HDAC9: variants seen among roughly 807,000 people sequenced by gnomAD.
HDAC9 encodes the protein MEF-2 interacting transcription repressor (MITR) protein.
In HDAC9, 41 loss-of-function variants were observed where a neutral mutation model predicts 139.4. The ratio of observed to expected loss-of-function variants is 0.29; its 90% CI spans 0.23 to 0.38. The LOEUF (loss-of-function observed/expected upper bound fraction) is 0.38. HDAC9 is among the 10% of genes least tolerant of loss of function. The pLI is 1.00. For synonymous variants in HDAC9, 517 were observed against 476.2 expected (o/e 1.09, Z -1.12); for missense variants, 1,147 against 1,297.0 (o/e 0.88, Z 1.78).
chr7:18,467,221 C>T (rs192756698), intron 1 of HDAC9, among the ~76,000 whole-genome samples: 9 of 152,304 alleles, frequency 5.9e-5, no homozygotes, highest in African/African-American at 2.2e-4. Flanking sequence ...AATGGACTCA[C>T]ATTCCCAGTC....
rs755623800 is a variant in HDAC9 at position 18,666,419 on chromosome 7, T to A, written c.1674T>A (p.Asp558Glu). 75 of 1,612,666 alleles carry A rather than the reference T, an allele frequency of 4.7e-5. No individual in the cohort carries two copies. Among genetic ancestry groups the A allele is most frequent in the Non-Finnish European group, 6.0e-5 (71 of 1,179,356 alleles). The part of the protein sequence containing the change: ...VKVKEEPVDS[D>E]EDAQIQEMES... ...TCAAGGAGGAACCAGTGGACAGTGA[T>A]GAAGATGCTCAGATCCAGGAAATGG... Residue 558 changes from aspartate to glutamate, a missense_variant, in exon 12 of 26, where the codon GAT (aspartate) becomes GAA (glutamate). This residue lies in a region of HDAC9 where 256 missense variants were observed against 219.2 expected (regional missense o/e 1.17). Transcript: ENST00000686413.
chr7:18,837,517 G>A (rs1562976853), intron 21 of HDAC9, among the ~76,000 whole-genome samples: 1 of 151,982 alleles, frequency 6.6e-6, no homozygotes, highest in East Asian at 1.9e-4. Flanking sequence ...TAACTTGCAT[G>A]ATACACATTA....
intron 16 of HDAC9, among the ~76,000 whole-genome samples, chr7:18,789,286 G>GCGCGCGCACACACACACACACACA (rs146066951): frequency 4.7e-5 from 7 of 148,396 alleles, no homozygotes; most frequent in African/African-American, 1.8e-4. Context: ...ACACATACAC[G>GCGCGCGCACACACACACACACACA]CACACACACA....
At chr7:18,860,587 T>A (rs547451063) in intron 21 of HDAC9, among the ~76,000 whole-genome samples, 7 of 152,140 alleles carry the variant, frequency 4.6e-5, no homozygotes, top group Non-Finnish European at 8.8e-5. Flanking sequence ...TGTGTCAAAT[T>A]TTTCTCAATG....
At chr7:18,450,399 G>A (rs572009681) in intron 1 of HDAC9, among the ~76,000 whole-genome samples, 65 of 152,286 alleles carry the variant, frequency 4.3e-4, no homozygotes, top group Middle Eastern at 3.4e-3. Flanking sequence ...GGAAGCCTTT[G>A]CTTTTGGCAA....
At chr7:18,144,602 A>AT (rs551151372) in intron 1 of HDAC9, among the ~76,000 whole-genome samples, 10 of 150,912 alleles carry the variant, frequency 6.6e-5, no homozygotes, top group East Asian at 3.9e-4. Flanking sequence ...AGACCACCAT[A>AT]TTTTTTTTTC....
intron 17 of HDAC9, among the ~76,000 whole-genome samples, chr7:18,796,012 A>T (rs549529804): frequency 1.3e-5 from 2 of 152,250 alleles, no homozygotes; most frequent in Non-Finnish European, 2.9e-5. Context: ...ATTTTTCTGC[A>T]TCTACATTCA....
chr7:18,226,448 A>T (rs969380701), intron 2 of HDAC9, among the ~76,000 whole-genome samples: 7 of 152,292 alleles, frequency 4.6e-5, no homozygotes, highest in African/African-American at 1.7e-4. Context: ...GGCAGACTAT[A>T]CATTGCCCTT....
intron 1 of HDAC9, among the ~76,000 whole-genome samples, chr7:18,321,945 A>G (rs901179755): frequency 6.6e-6 from 1 of 152,174 alleles, no homozygotes; most frequent in African/African-American, 2.4e-5. Flanking sequence ...TTAGAGAGAT[A>G]TTTAACATTT....
rs79545000 is a variant in HDAC9 at position 18,603,013 on chromosome 7, C to A, written c.664+8984C>A. 9.5e-3 allele frequency among the ~76,000 whole-genome samples: 1,439 copies of A among 152,126 alleles called. 22 individuals are homozygous for A. The highest frequency in any genetic ancestry group is 0.033 in the African/African-American group (1,355 of 41,550). On this transcript the variant is annotated intron_variant, in intron 6 of 25. Coordinates refer to ENST00000686413, the MANE Select transcript of HDAC9 (RefSeq NM_178425.4). The stretch of plus-strand genomic sequence containing the variant: ...GCATACATATTAAGGATTGTTATAT[C>A]TTCTTGGAGAACTGTGACTATTTTA...
chr7:18,171,212 G>C (rs1442370762), intron 2 of HDAC9, among the ~76,000 whole-genome samples: 1 of 152,144 alleles, frequency 6.6e-6, no homozygotes, highest in African/African-American at 2.4e-5. Context: ...AAGCAATTGT[G>C]AATGGGAGTT....
intron 2 of HDAC9, among the ~76,000 whole-genome samples, chr7:18,266,491 G>C (rs114957022): frequency 0.015 from 2,330 of 152,212 alleles, 67 homozygotes; most frequent in African/African-American, 0.053. Context: ...CCTCAGGACA[G>C]ACATTGTGCA....
At chr7:18,944,370 G>A (rs1033839454) in intron 23 of HDAC9, among the ~76,000 whole-genome samples, 3 of 152,192 alleles carry the variant, frequency 2.0e-5, no homozygotes, top group South Asian at 2.1e-4. Flanking sequence ...AAGTAAATTT[G>A]TGGCCTTGTA....
In HDAC9 at chr7:18,104,149, C is replaced by T. The variant is rs184292774; in HGVS notation, c.-97+16936C>T. Among the ~76,000 whole-genome samples the T allele has an allele frequency of 1.6e-4, 24 of 152,184 alleles. No individual in the cohort carries two copies. The East Asian group carries it at 3.9e-3, about 24-fold the overall frequency. On this transcript the variant is annotated intron_variant, in intron 1 of 12. Coordinates refer to the HDAC9 transcript ENST00000417496. ...TGCAAACTCTATGCACACAGTGGCC[C>T]GGGCTAGGAAGTCATTTTTTCTTTT...
upstream of HDAC9, among the ~76,000 whole-genome samples, chr7:18,491,151 T>G (rs1318957214): frequency 6.6e-6 from 1 of 151,816 alleles, no homozygotes; most frequent in East Asian, 1.9e-4. Context: ...CAACTTGAAC[T>G]CCATAATCTC....
At chr7:18,890,985 G>A (rs1003622292) in intron 22 of HDAC9, among the ~76,000 whole-genome samples, 2 of 152,170 alleles carry the variant, frequency 1.3e-5, no homozygotes, top group Non-Finnish European at 1.5e-5. Context: ...ATATTTTGGC[G>A]AGTCTGTCTG....
chr7:18,562,986 T>A (rs1821084711), intron 2 of HDAC9, among the ~76,000 whole-genome samples: 1 of 152,118 alleles, frequency 6.6e-6, no homozygotes, highest in South Asian at 2.1e-4. Flanking sequence ...GCCCAACAAT[T>A]TTGTTCTTCT....
chr7:18,861,345 T>A (rs1798092809), intron 21 of HDAC9, among the ~76,000 whole-genome samples: 1 of 152,116 alleles, frequency 6.6e-6, no homozygotes, highest in Admixed American at 6.6e-5. Context: ...CAGTACAGAG[T>A]TTAACGAAAG....
At chr7:18,472,457 C>T (rs2128121090) in intron 1 of HDAC9, among the ~76,000 whole-genome samples, 1 of 152,294 alleles carries the variant, frequency 6.6e-6, no homozygotes, top group African/African-American at 2.4e-5. Context: ...GTCTTTGTTC[C>T]TTTATTGCAG....
Sources: gnomAD v4.1 joint callset for allele counts (sites outside exome capture counted in the v4.1 genomes callset) on GRCh38, gnomAD v4.1.1 for gene constraint, gnomAD v4.1.1 regional missense constraint, MANE v1.5 for transcripts, NCBI Gene and HGNC (gene_info 2026-07-23, HGNC 2026-07-21) for gene names.